Variants in LRRTM4 observed in about 807,000 individuals in gnomAD.
The protein encoded by LRRTM4 is leucine rich repeat transmembrane neuronal 4, also known as leucine-rich repeat transmembrane neuronal protein 4.
In LRRTM4, 25 loss-of-function variants were observed where a neutral mutation model predicts 47.6. The observed-to-expected ratio is 0.53, with a 90% CI of 0.38 to 0.73. The LOEUF (loss-of-function observed/expected upper bound fraction) is 0.73, where lower values mean the gene tolerates loss of function less well. LRRTM4 is among the 30% of genes least tolerant of loss of function. The probability of loss-of-function intolerance (pLI) is 0.00; values close to 1 mark genes in which losing one functional copy is unlikely to be tolerated. For missense variants in LRRTM4, 638 were observed against 713.4 expected (o/e 0.89, Z 1.20); for synonymous variants, 311 against 269.5 (o/e 1.15, Z -1.51).
intron 3 of LRRTM4, among the ~76,000 whole-genome samples, chr2:77,174,542 A>C (rs1300864897): frequency 6.6e-6 from 1 of 152,122 alleles, no homozygotes; most frequent in Non-Finnish European, 1.5e-5. Flanking sequence ...GGCCAATGTT[A>C]GCATATGCAG....
At chr2:77,063,917 GA>G (rs770756321) in intron 3 of LRRTM4, among the ~76,000 whole-genome samples, 2 of 151,920 alleles carry the variant, frequency 1.3e-5, no homozygotes. Context: ...TAATGGCCTA[GA>G]TTTTTTTTTT....
At chr2:77,159,271 T>C (rs1204063884) in intron 3 of LRRTM4, among the ~76,000 whole-genome samples, 1 of 152,182 alleles carries the variant, frequency 6.6e-6, no homozygotes, top group African/African-American at 2.4e-5. Flanking sequence ...GAAATCTTAC[T>C]GAGATAAACA....
chr2:77,105,640 C>T (rs1033095307), intron 3 of LRRTM4, among the ~76,000 whole-genome samples: 1 of 151,752 alleles, frequency 6.6e-6, no homozygotes, highest in Non-Finnish European at 1.5e-5. Flanking sequence ...GCACATGTAC[C>T]CTAAAACTTA....
At chr2:76,920,738 A>G (rs17013341) in intron 3 of LRRTM4, among the ~76,000 whole-genome samples, 55,848 of 151,906 alleles carry the variant, frequency 0.37, 11,170 homozygotes, top group East Asian at 0.72. Context: ...AGAACAACTT[A>G]TAGTGCATGG....
chr2:77,380,621 C>T (rs1315755881), intron 3 of LRRTM4, among the ~76,000 whole-genome samples: 1 of 151,790 alleles, frequency 6.6e-6, no homozygotes, highest in African/African-American at 2.4e-5. Context: ...TATGGTGAAA[C>T]CCCGTCTGTA....
intron 3 of LRRTM4, among the ~76,000 whole-genome samples, chr2:76,800,086 G>A (rs1441002584): frequency 2.6e-5 from 4 of 151,364 alleles, no homozygotes; most frequent in Non-Finnish European, 5.9e-5. Context: ...TTTCTTCACA[G>A]AATTGGAAAA....
intron 3 of LRRTM4, among the ~76,000 whole-genome samples, chr2:76,885,531 C>G (rs971320610): frequency 6.7e-6 from 1 of 148,698 alleles, no homozygotes; most frequent in Non-Finnish European, 1.5e-5. Flanking sequence ...GGCGCGATCT[C>G]GGCTCACTGC....
At chr2:77,481,674 A>G (rs1311989755) in intron 3 of LRRTM4, among the ~76,000 whole-genome samples, 1 of 152,042 alleles carries the variant, frequency 6.6e-6, no homozygotes, top group Non-Finnish European at 1.5e-5. Context: ...TTTGCTTCTT[A>G]ATTTGAAACT....
At chr2:77,133,439 C>T (rs1671854129) in intron 3 of LRRTM4, among the ~76,000 whole-genome samples, 1 of 151,996 alleles carries the variant, frequency 6.6e-6, no homozygotes, top group Non-Finnish European at 1.5e-5. Context: ...AAATATAAGA[C>T]AAAAATTTGT....
chr2:76,890,758 T>C (rs1422868014), intron 3 of LRRTM4, among the ~76,000 whole-genome samples: 1 of 151,724 alleles, frequency 6.6e-6, no homozygotes, highest in Non-Finnish European at 1.5e-5. Flanking sequence ...CAAAACATAA[T>C]AGGTGGAAAG....
intron 3 of LRRTM4, among the ~76,000 whole-genome samples, chr2:77,326,864 C>T (rs959303395): frequency 6.6e-6 from 1 of 152,186 alleles, no homozygotes; most frequent in African/African-American, 2.4e-5. Context: ...ACAAAAACGT[C>T]TTCACATGTG....
chr2:77,162,864 T>C lies in LRRTM4; in HGVS notation c.1551+355454A>G, dbSNP rs554402971. ...CTAAAGGTAGATTAAACCACAAAGA[T>C]GGGAGAAACCAGAGCAGAAAAGCTG... On this transcript the variant is annotated intron_variant, in intron 3 of 3. Coordinates refer to ENST00000409884, the MANE Select transcript of LRRTM4 (RefSeq NM_001134745.3). Among the ~76,000 whole-genome samples the C allele has an allele frequency of 2.0e-5, 3 of 152,218 alleles. No homozygotes were observed. The East Asian group carries it at 5.8e-4, about 29-fold the overall frequency.
At chr2:76,778,584 T>C (rs1164785837) in intron 3 of LRRTM4, among the ~76,000 whole-genome samples, 2 of 152,120 alleles carry the variant, frequency 1.3e-5, no homozygotes, top group African/African-American at 2.4e-5. Flanking sequence ...GTAGTTTGTA[T>C]TTCTGTGGGA....
intron 3 of LRRTM4, among the ~76,000 whole-genome samples, chr2:76,899,214 T>G (rs535718733): frequency 4.6e-5 from 7 of 151,492 alleles, no homozygotes; most frequent in African/African-American, 7.3e-5. Flanking sequence ...CAAATATATA[T>G]AGAGAGAGAT....
intron 3 of LRRTM4, among the ~76,000 whole-genome samples, chr2:77,453,304 C>T (rs1043013369): frequency 6.6e-6 from 1 of 150,906 alleles, no homozygotes; most frequent in African/African-American, 2.4e-5. Flanking sequence ...GCCTCAGCCT[C>T]TCAAGCAGCT....
chr2:77,504,043 TATA>T (rs1486461475), intron 3 of LRRTM4, among the ~76,000 whole-genome samples: 1 of 151,514 alleles, frequency 6.6e-6, no homozygotes, highest in East Asian at 1.9e-4. Context: ...GAAAGGGAAG[TATA>T]ATACAGAGCA....
intron 3 of LRRTM4, among the ~76,000 whole-genome samples, chr2:77,049,972 A>C (rs1679374517): frequency 1.3e-5 from 2 of 152,088 alleles, no homozygotes; most frequent in African/African-American, 4.8e-5. Flanking sequence ...CAAAGTTGAG[A>C]AATTCAATAG....
At chr2:77,159,848 C>T (rs899627862) in intron 3 of LRRTM4, among the ~76,000 whole-genome samples, 6 of 152,166 alleles carry the variant, frequency 3.9e-5, no homozygotes, top group African/African-American at 1.4e-4. Flanking sequence ...CTTCTTCCAC[C>T]ATTTGCTTTA....
intron 3 of LRRTM4, among the ~76,000 whole-genome samples, chr2:77,208,433 G>A (rs72809107): frequency 0.11 from 16,298 of 152,146 alleles, 1,257 homozygotes; most frequent in East Asian, 0.34. Flanking sequence ...AGGCAGACAG[G>A]AGTGAAGATC....
Sources: gnomAD v4.1 joint callset for allele counts (sites outside exome capture counted in the v4.1 genomes callset) on GRCh38, gnomAD v4.1.1 for gene constraint, MANE v1.5 for transcripts, NCBI Gene and HGNC (gene_info 2026-07-23, HGNC 2026-07-21) for gene names.